SFMBT2: variants seen among roughly 807,000 people sequenced by gnomAD.
SFMBT2 encodes Scm like with four mbt domains 2.
A neutral mutation model predicts 110.1 loss-of-function variants in SFMBT2; 38 were observed. The ratio of observed to expected loss-of-function variants is 0.35; its 90% CI spans 0.27 to 0.45. The LOEUF (loss-of-function observed/expected upper bound fraction) is 0.45, where lower values mean the gene tolerates loss of function less well. Among genes scored for constraint, SFMBT2 ranks in the 20% least tolerant of loss-of-function variants. The pLI is 1.00. For missense variants in SFMBT2, 1,011 were observed against 1,094.9 expected (o/e 0.92, Z 1.08); for synonymous variants, 425 against 425.4 (o/e 1.00, Z 0.01).
At chr10:7,375,510 C>CTTA (rs1845175950) in intron 2 of SFMBT2, among the ~76,000 whole-genome samples, 1 of 147,180 alleles carries the variant, frequency 6.8e-6, no homozygotes. Flanking sequence ...AGTCTTTCTT[C>CTTA]TTGTAAATAC....
chr10:7,274,273 G>T (rs1321088593), intron 7 of SFMBT2, among the ~76,000 whole-genome samples: 1 of 152,150 alleles, frequency 6.6e-6, no homozygotes, highest in East Asian at 1.9e-4. Flanking sequence ...GATCACTTGA[G>T]CCCAGGATTT....
At chr10:7,189,236 T>C (rs1838517522) in intron 15 of SFMBT2, 6 of 927,118 alleles carry the variant, frequency 6.5e-6, no homozygotes, top group Non-Finnish European at 7.7e-6. Context: ...GCAGGCTCAA[T>C]TCATGGACAT....
At chr10:7,178,299 G>T (rs1838139288) in intron 16 of SFMBT2, among the ~76,000 whole-genome samples, 1 of 152,184 alleles carries the variant, frequency 6.6e-6, no homozygotes. Context: ...TGATCTTAGA[G>T]GAAACACCAA....
intron 7 of SFMBT2, among the ~76,000 whole-genome samples, chr10:7,265,358 C>G (rs767828265): frequency 1.3e-5 from 2 of 152,068 alleles, no homozygotes; most frequent in African/African-American, 2.4e-5. Flanking sequence ...CATGCCACCA[C>G]GCCCGACTAA....
intron 4 of SFMBT2, among the ~76,000 whole-genome samples, chr10:7,308,061 C>T (rs563678065): frequency 6.6e-6 from 1 of 152,314 alleles, no homozygotes; most frequent in Admixed American, 6.5e-5. Context: ...CTCACCATAA[C>T]ATTAGCATGT....
chr10:7,318,256 T>C (rs770365305), intron 4 of SFMBT2, among the ~76,000 whole-genome samples: 5 of 152,238 alleles, frequency 3.3e-5, no homozygotes, highest in Non-Finnish European at 7.3e-5. Flanking sequence ...AACCTTTTTT[T>C]CTCTCATTAT....
intron 4 of SFMBT2, among the ~76,000 whole-genome samples, chr10:7,304,634 T>C (rs754716777): frequency 1.8e-4 from 27 of 152,344 alleles, no homozygotes; most frequent in Non-Finnish European, 3.7e-4. Flanking sequence ...CCTTAGACTT[T>C]ACAGATATGA....
At chr10:7,196,479 C>A (rs1461535862) in intron 15 of SFMBT2, among the ~76,000 whole-genome samples, 4 of 152,220 alleles carry the variant, frequency 2.6e-5, no homozygotes, top group African/African-American at 9.6e-5. Context: ...TTGTCCTGCA[C>A]TCTACTCCCA....
At chr10:7,362,215 C>T (rs961224362) in intron 4 of SFMBT2, among the ~76,000 whole-genome samples, 9 of 152,142 alleles carry the variant, frequency 5.9e-5, no homozygotes, top group South Asian at 2.1e-4. Context: ...CAAGCAGGAA[C>T]GCTGCTCTGA....
intron 8 of SFMBT2, chr10:7,246,309 T>C: frequency 3.8e-6 from 1 of 263,552 alleles, no homozygotes; most frequent in Non-Finnish European, 5.9e-6. Context: ...CAACTATCAC[T>C]GGAAGTCTAT....
rs1846362676 is a variant in SFMBT2, at chr10:7,410,948, C to CCGCCCTTGCCCGCTCGCT, written c.-157_-140dup. 2.0e-5 allele frequency among the ~76,000 whole-genome samples: 3 copies of CCGCCCTTGCCCGCTCGCT among 151,662 alleles called. No individual in the cohort carries two copies. Among genetic ancestry groups the CCGCCCTTGCCCGCTCGCT allele is most frequent in the Admixed American group, 6.6e-5 (1 of 15,244 alleles). On this transcript the variant is annotated 5_prime_UTR_variant, in exon 1 of 21. Coordinates refer to ENST00000397167, the MANE Select transcript of SFMBT2 (RefSeq NM_001387889.1). ...CGGCCTCGCTCGCTTGCTCGCTCGC[C>CCGCCCTTGCCCGCTCGCT]CGCCCTTGCCCGCTCGCTCCCCGCC...
chr10:7,324,923 G>A (rs893991128), intron 4 of SFMBT2, among the ~76,000 whole-genome samples: 7 of 145,902 alleles, frequency 4.8e-5, no homozygotes, highest in South Asian at 2.2e-4. Context: ...CCAGCCTTAT[G>A]TCCTCACTGA....
At chr10:7,315,018 AAGAG>A (rs1175300250) in intron 4 of SFMBT2, among the ~76,000 whole-genome samples, 115 of 140,944 alleles carry the variant, frequency 8.2e-4, no homozygotes, top group African/African-American at 3.0e-3. Flanking sequence ...AAAGAAAGAA[AAGAG>A]AGAGAAAGAA....
At chr10:7,374,813 C>T (rs555060678) in intron 2 of SFMBT2, among the ~76,000 whole-genome samples, 4 of 152,336 alleles carry the variant, frequency 2.6e-5, no homozygotes, top group South Asian at 2.1e-4. Flanking sequence ...ACAAAATTTA[C>T]GGTTATTCAC....
At chr10:7,231,079 G>C (rs996053611) in intron 9 of SFMBT2, among the ~76,000 whole-genome samples, 1 of 152,126 alleles carries the variant, frequency 6.6e-6, no homozygotes, top group South Asian at 2.1e-4. Flanking sequence ...AACTCTCTGT[G>C]GTTAATTCCC....
chr10:7,360,216 C>T (rs1470668410), intron 4 of SFMBT2, among the ~76,000 whole-genome samples: 1 of 152,026 alleles, frequency 6.6e-6, no homozygotes, highest in Non-Finnish European at 1.5e-5. Flanking sequence ...GCCTGTAACC[C>T]CAGCACTCTG....
At chr10:7,177,028 G>C (rs941987740) in intron 16 of SFMBT2, among the ~76,000 whole-genome samples, 2 of 152,184 alleles carry the variant, frequency 1.3e-5, no homozygotes, top group Non-Finnish European at 2.9e-5. Context: ...GGTTGGGATG[G>C]TGAAAGATTG....
At chr10:7,369,331 A>AT (rs1844999193) in intron 3 of SFMBT2, among the ~76,000 whole-genome samples, 1 of 152,216 alleles carries the variant, frequency 6.6e-6, no homozygotes, top group Non-Finnish European at 1.5e-5. Flanking sequence ...TTAAATCTCC[A>AT]TTTCTATTTC....
intron 1 of SFMBT2, among the ~76,000 whole-genome samples, 64 bp downstream of exon 1, chr10:7,410,797 G>C (rs1429025656): frequency 6.7e-6 from 1 of 150,020 alleles, no homozygotes; most frequent in Non-Finnish European, 1.5e-5. Flanking sequence ...CTCAACCTGC[G>C]GGCCGAAGGG....
Sources: gnomAD v4.1 joint callset for allele counts (sites outside exome capture counted in the v4.1 genomes callset) on GRCh38, gnomAD v4.1.1 for gene constraint, MANE v1.5 for transcripts, NCBI Gene and HGNC (gene_info 2026-07-23, HGNC 2026-07-21) for gene names.